Variants in LOC128092252 observed in about 807,000 individuals in gnomAD.
the LOC128092252 span, among the ~76,000 whole-genome samples, chr15:50,679,511 A>ATAATATATATGTGT: frequency 1.3e-5 from 1 of 75,458 alleles, no homozygotes; most frequent in South Asian, 3.9e-4. Context: ...GTATATATAT[A>ATAATATATATGTGT]ATATATATAT....
the LOC128092252 span, among the ~76,000 whole-genome samples, chr15:50,669,544 T>G: frequency 8.1e-4 from 124 of 152,322 alleles, no homozygotes; most frequent in African/African-American, 3.0e-3. Flanking sequence ...GCCTATATAA[T>G]TATTCTTGCT....
At chr15:50,664,074 C>T in the LOC128092252 span, among the ~76,000 whole-genome samples, 1 of 152,078 alleles carries the variant, frequency 6.6e-6, no homozygotes, top group East Asian at 1.9e-4. Context: ...CTGAGGTGGG[C>T]GGATCACAAA....
chr15:50,686,642 G>C, the LOC128092252 span: 5 of 1,479,758 alleles, frequency 3.4e-6, no homozygotes, highest in Non-Finnish European at 3.6e-6. Flanking sequence ...AGAGGCCGCC[G>C]GACAAGGAAC....
At chr15:50,658,373 G>C in the LOC128092252 span, among the ~76,000 whole-genome samples, 4 of 151,510 alleles carry the variant, frequency 2.6e-5, no homozygotes, top group Admixed American at 6.6e-5. Context: ...AGGAGTTTAA[G>C]ATCAGCCTGG....
the LOC128092252 span, among the ~76,000 whole-genome samples, chr15:50,655,193 T>C: frequency 6.6e-6 from 1 of 150,984 alleles, no homozygotes; most frequent in Non-Finnish European, 1.5e-5. Context: ...CCCAGCACTT[T>C]GGGTGGCCAA....
chr15:50,650,029 T>C, the LOC128092252 span, among the ~76,000 whole-genome samples: 1 of 151,324 alleles, frequency 6.6e-6, no homozygotes, highest in African/African-American at 2.4e-5. Context: ...CCGTCTCTAC[T>C]AAAAATACAA....
the LOC128092252 span, among the ~76,000 whole-genome samples, chr15:50,678,516 A>AT: frequency 1.5e-4 from 15 of 99,326 alleles, no homozygotes; most frequent in African/African-American, 6.5e-4. Flanking sequence ...TAAAAAAAAA[A>AT]AATATATATA....
At chr15:50,679,961 C>T in the LOC128092252 span, among the ~76,000 whole-genome samples, 1 of 151,968 alleles carries the variant, frequency 6.6e-6, no homozygotes, top group Non-Finnish European at 1.5e-5. Context: ...CATGACCGGG[C>T]GGTGGCTCAC....
chr15:50,656,096 G>C, the LOC128092252 span, among the ~76,000 whole-genome samples: 1 of 151,448 alleles, frequency 6.6e-6, no homozygotes, highest in Non-Finnish European at 1.5e-5. Flanking sequence ...GAAAATAAAA[G>C]AAATATATTT....
chr15:50,665,823 G>A, the LOC128092252 span, among the ~76,000 whole-genome samples: 6 of 152,066 alleles, frequency 3.9e-5, no homozygotes, highest in East Asian at 9.7e-4. Flanking sequence ...GGTGAAAACC[G>A]TCTCTACTAA....
the LOC128092252 span, among the ~76,000 whole-genome samples, chr15:50,669,179 C>A: frequency 2.0e-5 from 3 of 152,076 alleles, no homozygotes; most frequent in East Asian, 5.8e-4. Flanking sequence ...TGGTGGCTCA[C>A]GCCTGTAATC....
chr15:50,686,371 G>A, the LOC128092252 span, among the ~76,000 whole-genome samples: 1 of 152,178 alleles, frequency 6.6e-6, no homozygotes, highest in Non-Finnish European at 1.5e-5. Context: ...AGAACGAACT[G>A]CACACCCGTC....
At chr15:50,664,252 G>A in the LOC128092252 span, among the ~76,000 whole-genome samples, 1 of 149,554 alleles carries the variant, frequency 6.7e-6, no homozygotes, top group African/African-American at 2.5e-5. Context: ...GGAGGTTGCA[G>A]TGAGCCGAGA....
the LOC128092252 span, among the ~76,000 whole-genome samples, chr15:50,680,823 T>C: frequency 1.3e-5 from 2 of 152,198 alleles, no homozygotes; most frequent in South Asian, 2.1e-4. Flanking sequence ...CAAGTTTCTG[T>C]AGTTTGGCAG....
chr15:50,679,540 T>TATATGTGTATATATATAA, the LOC128092252 span, among the ~76,000 whole-genome samples: 1 of 49,542 alleles, frequency 2.0e-5, no homozygotes, highest in African/African-American at 7.7e-5. Context: ...ATATATATAT[T>TATATGTGTATATATATAA]TTTTTTTTTT....
the LOC128092252 span, among the ~76,000 whole-genome samples, chr15:50,658,408 A>C: frequency 0.015 from 2,222 of 151,916 alleles, 60 homozygotes; most frequent in African/African-American, 0.051. Flanking sequence ...CTCCGTCTCT[A>C]CAAAAAAAAA....
the LOC128092252 span, among the ~76,000 whole-genome samples, chr15:50,677,427 A>ACT: frequency 6.6e-6 from 1 of 151,872 alleles, no homozygotes; most frequent in African/African-American, 2.4e-5. Flanking sequence ...ACACACACAC[A>ACT]CACAGAGCAC....
At chr15:50,662,629 T>C in the LOC128092252 span, among the ~76,000 whole-genome samples, 1 of 152,212 alleles carries the variant, frequency 6.6e-6, no homozygotes, top group Non-Finnish European at 1.5e-5. Flanking sequence ...TACACAAATT[T>C]AAGTTCCCAA....
chr15:50,686,431 GCATGGAACGCGGCTCCCCACA>G, the LOC128092252 span: 1 of 1,592,900 alleles, frequency 6.3e-7, no homozygotes, highest in Non-Finnish European at 8.6e-7. Flanking sequence ...GTCCTTCGCC[GCATGGAACGCGGCTCCCCACA>G]CACTTGCCTG....
Sources: gnomAD v4.1 joint callset for allele counts (sites outside exome capture counted in the v4.1 genomes callset) on GRCh38, gnomAD v4.1.1 for gene constraint, MANE v1.5 for transcripts.